The following SENP6 variants were observed in gnomAD, a reference collection of about 807,000 sequenced individuals.
SENP6 encodes the protein SUMO specific peptidase 6, also known as sentrin-specific protease 6.
SENP6 carries 41 observed loss-of-function variants against 134.5 expected under a neutral mutation model. That is an observed-to-expected ratio of 0.30 (90% CI 0.24 to 0.40). The LOEUF (loss-of-function observed/expected upper bound fraction) is 0.40. SENP6 is among the 10% of genes least tolerant of loss of function. The probability of loss-of-function intolerance (pLI) is 1.00; values close to 1 mark genes in which losing one functional copy is unlikely to be tolerated. For synonymous variants in SENP6, 395 were observed against 429.8 expected, an observed-to-expected ratio of 0.92 and a Z score of 1.00; for missense variants, 1,248 against 1,312.5, an observed-to-expected ratio of 0.95 and a Z score of 0.76.
intron 7 of SENP6, among the ~76,000 whole-genome samples, chr6:75,658,718 T>G (rs1771530299): frequency 6.6e-6 from 1 of 152,026 alleles, no homozygotes; most frequent in Non-Finnish European, 1.5e-5. Flanking sequence ...CTGTTTGAAT[T>G]CAGATTTTTC....
At chr6:75,662,761 G>T (rs927052892) in intron 8 of SENP6, among the ~76,000 whole-genome samples, 2 of 151,922 alleles carry the variant, frequency 1.3e-5, no homozygotes, top group Non-Finnish European at 1.5e-5. Flanking sequence ...TGTTTTTTCT[G>T]TTTTAGTATC....
intron 11 of SENP6, among the ~76,000 whole-genome samples, chr6:75,673,576 G>A (rs1212068599): frequency 1.3e-5 from 2 of 151,480 alleles, no homozygotes; most frequent in East Asian, 3.9e-4. Flanking sequence ...CACCTGCCTT[G>A]GCCTCCCAAA....
chr6:75,653,277 C>A (rs568921503), intron 7 of SENP6, among the ~76,000 whole-genome samples: 1 of 152,124 alleles, frequency 6.6e-6, no homozygotes, highest in Non-Finnish European at 1.5e-5. Flanking sequence ...GTGATCCCCC[C>A]GCCTCGGCCT....
intron 16 of SENP6, among the ~76,000 whole-genome samples, chr6:75,693,343 G>C (rs1382157829): frequency 6.6e-6 from 1 of 150,390 alleles, no homozygotes; most frequent in African/African-American, 2.5e-5. Context: ...GGTGGAGATT[G>C]CAGTGAGCCA....
At chr6:75,637,490 T>G (rs1017356963) in intron 5 of SENP6, among the ~76,000 whole-genome samples, 10 of 152,160 alleles carry the variant, frequency 6.6e-5, no homozygotes, top group African/African-American at 2.4e-4. Context: ...GTTTATACAC[T>G]AATAGTGATA....
Position 75,610,596 on chromosome 6 carries a change from A to G in SENP6, c.52+8020A>G, listed in dbSNP as rs189673824. Among the ~76,000 whole-genome samples the G allele has an allele frequency of 7.4e-4, 113 of 152,254 alleles. 1 individual carries two copies. Among genetic ancestry groups the G allele is most frequent in the Non-Finnish European group, 1.4e-3 (95 of 68,016 alleles). The stretch of plus-strand genomic sequence containing the variant: ...GTACTTCCCAGAATCTTCTGCATCC[A>G]TTGGCAAAAATTATTAACTATTATC... On this transcript the variant is annotated intron_variant, in intron 1 of 23. Coordinates refer to ENST00000447266, the MANE Select transcript of SENP6 (RefSeq NM_015571.4).
chr6:75,623,965 G>T lies in SENP6; in HGVS notation c.207+5G>T. The T allele has an allele frequency of 6.2e-7, 1 of 1,602,038 alleles. No homozygotes were observed. Among genetic ancestry groups the T allele is most frequent in the Non-Finnish European group, 8.5e-7 (1 of 1,172,290 alleles). On this transcript the variant is annotated splice_donor_5th_base_variant and intron_variant, in intron 3 of 23. Transcript: ENST00000447266. ...GAAACCTCAAAAGGAAAAAAGGCAA[G>T]TGTTGCTTAAAATATTTTCTTCTTT...
rs759982791 is a variant in SENP6, at chr6:75,647,794, A to C, written c.543A>C (p.Gln181His). The stretch of plus-strand genomic sequence containing the variant: ...ATCCTGTAAGGTTAAGTCGGCTCCA[A>C]GGTGTTGGTAAGTGTGCAGTTTTGT... ...EINPVRLSRL[Q>H]GVERIMKKTE... is the part of the protein sequence containing the mutation. The change falls in exon 7 of 24, where the codon CAA becomes CAC. Residue 181 changes from glutamine to histidine, a missense_variant. Around this residue, in one of 3 missense-constraint regions of SENP6, gnomAD observed 733 missense variants for 725.4 expected, o/e 1.01. Coordinates refer to ENST00000447266, the MANE Select transcript of SENP6 (RefSeq NM_015571.4). 6.2e-7 allele frequency: 1 copy of C among 1,611,990 alleles called. No homozygotes were observed. The highest frequency in any genetic ancestry group is 8.5e-7 in the Non-Finnish European group (1 of 1,178,656).
intron 7 of SENP6, among the ~76,000 whole-genome samples, chr6:75,653,432 G>A (rs903960215): frequency 2.0e-5 from 3 of 152,048 alleles, no homozygotes; most frequent in African/African-American, 7.2e-5. Context: ...CCAACCCTGG[G>A]ATTTTAAAAA....
chr6:75,699,587 A>C (rs1011858237), intron 18 of SENP6, among the ~76,000 whole-genome samples: 1 of 152,006 alleles, frequency 6.6e-6, no homozygotes, highest in African/African-American at 2.4e-5. Flanking sequence ...TCCCAGGCTT[A>C]AGTGATCCTC....
intron 16 of SENP6, among the ~76,000 whole-genome samples, chr6:75,687,039 A>G (rs565104414): frequency 8.5e-5 from 13 of 152,166 alleles, no homozygotes; most frequent in African/African-American, 2.2e-4. Context: ...ACACCAATCA[A>G]ATGTAGATTT....
chr6:75,627,549 AAGCCAGG>A (rs1280739896), intron 3 of SENP6, among the ~76,000 whole-genome samples: 1 of 152,204 alleles, frequency 6.6e-6, no homozygotes, highest in African/African-American at 2.4e-5. Flanking sequence ...GGATCGTTCG[AAGCCAGG>A]AGTTTGAGAT....
intron 4 of SENP6, among the ~76,000 whole-genome samples, chr6:75,634,482 A>G (rs1189468659): frequency 6.6e-6 from 1 of 152,050 alleles, no homozygotes; most frequent in Non-Finnish European, 1.5e-5. Flanking sequence ...TCCTGACCTC[A>G]GGTGATCTGC....
chr6:75,702,539 AT>A (rs1244646152), intron 18 of SENP6, 105 bp from the exon 19 acceptor site: 7 of 1,112,898 alleles, frequency 6.3e-6, no homozygotes, highest in Non-Finnish European at 7.5e-6. Context: ...TTTTTAATAA[AT>A]TAATTGGCAA....
In SENP6 at chr6:75,690,938, TC is replaced by T. The variant is rs539577441; in HGVS notation, c.2076-4860del. On this transcript the variant is annotated intron_variant, in intron 16 of 23. Transcript: ENST00000447266. ...GTCTTGAACTTCTGTCCTCAAGTGA[TC>T]CCCCCTGCCCCCCATCAGCTTCCCA... is the stretch of plus-strand genomic sequence containing the variant. 5.2e-4 allele frequency among the ~76,000 whole-genome samples: 79 copies of T among 151,276 alleles called. 1 individual carries two copies. The highest frequency in any genetic ancestry group is 3.4e-3 in the Middle Eastern group (1 of 294).
At chr6:75,607,525 G>A (rs1767117551) in intron 1 of SENP6, among the ~76,000 whole-genome samples, 2 of 151,374 alleles carry the variant, frequency 1.3e-5, no homozygotes, top group African/African-American at 4.9e-5. Flanking sequence ...TACTGCACTT[G>A]TTCATATCTA....
intron 7 of SENP6, among the ~76,000 whole-genome samples, chr6:75,658,420 A>G (rs1215799950): frequency 6.6e-6 from 1 of 152,222 alleles, no homozygotes; most frequent in East Asian, 1.9e-4. Flanking sequence ...TATTTAACAA[A>G]GCTGTGTTTG....
chr6:75,698,839 C>T (rs538310330), intron 18 of SENP6, among the ~76,000 whole-genome samples: 3 of 151,608 alleles, frequency 2.0e-5, no homozygotes, highest in East Asian at 3.9e-4. Context: ...GGCGAAACCT[C>T]GTCTCTACTG....
chr6:75,647,788 G>T lies in SENP6; in HGVS notation c.537G>T (p.Arg179=), dbSNP rs34486264. ...KVEINPVRLS[R]LQGVERIMKK... Reference sequence around the variant, plus strand: ...AAATTAATCCTGTAAGGTTAAGTCGGCTCCAAGGTGTTGGTAAGTGTGCAG... The same window carrying T: ...AAATTAATCCTGTAAGGTTAAGTCGTCTCCAAGGTGTTGGTAAGTGTGCAG... The change falls in exon 7 of 24, where the codon CGG becomes CGT. Residue 179 remains arginine, a synonymous_variant. Transcript: ENST00000447266. The T allele has an allele frequency of 3.0e-3, 4,761 of 1,612,190 alleles. 131 individuals carry two copies. In the African/African-American group the frequency reaches 0.056, roughly 19 times the overall value.
Sources: allele counts gnomAD v4.1 joint callset (sites outside exome capture counted in the v4.1 genomes callset), GRCh38; gene constraint gnomAD v4.1.1; regional missense constraint gnomAD v4.1.1; transcripts MANE v1.5; gene names NCBI Gene and HGNC (gene_info 2026-07-23, HGNC 2026-07-21).